The following MLLT10 variants were observed in gnomAD, a reference collection of about 807,000 sequenced individuals.
MLLT10 encodes the protein protein AF-10.
A neutral mutation model predicts 129.1 loss-of-function variants in MLLT10; 30 were observed. The observed-to-expected ratio is 0.23, with a 90% CI of 0.17 to 0.32. The LOEUF is 0.32. MLLT10 is among the 10% of genes least tolerant of loss of function. The probability of loss-of-function intolerance (pLI) is 1.00; values close to 1 mark genes in which losing one functional copy is unlikely to be tolerated. For missense variants in MLLT10, 1,119 were observed against 1,268.3 expected (o/e 0.88, Z 1.79); for synonymous variants, 490 against 446.4 (o/e 1.10, Z -1.23).
Position 21,733,881 on chromosome 10 carries a change from C to T in MLLT10, c.2610C>T (p.Val870=). Residue 870 remains valine, a synonymous_variant, in exon 20 of 23, where the codon GTC becomes GTT. Coordinates refer to ENST00000307729, the MANE Select transcript of MLLT10 (RefSeq NM_001195626.3). ...QGSGVSGVQQ[V]NGVTVGALAS... ...CAGGAGTGAGTGGAGTTCAGCAGGT[C>T]AATGGCGTGACAGTGGGGGCACTAG... 1.2e-6 allele frequency: 2 copies of T among 1,614,156 alleles called. No individual in the cohort carries two copies. Among genetic ancestry groups the T allele is most frequent in the South Asian group, 2.2e-5 (2 of 91,072 alleles).
intron 13 of MLLT10, among the ~76,000 whole-genome samples, chr10:21,712,117 G>C (rs957606853): frequency 5.3e-5 from 8 of 152,112 alleles, no homozygotes; most frequent in African/African-American, 1.9e-4. Flanking sequence ...ATAGCTGTAA[G>C]GCTTTTTAAA....
intron 5 of MLLT10, among the ~76,000 whole-genome samples, chr10:21,607,362 C>G (rs1467871890): frequency 6.8e-6 from 1 of 146,942 alleles, no homozygotes; most frequent in South Asian, 2.2e-4. Context: ...CTCTTGTTGC[C>G]CAGGCTGGAG....
intron 1 of MLLT10, 41 bp from the exon 2 acceptor site, chr10:21,534,604 C>T (rs2033469115): frequency 4.4e-6 from 7 of 1,589,158 alleles, no homozygotes; most frequent in Admixed American, 1.7e-5. Flanking sequence ...CACTAATCGG[C>T]TTGCATGTGT....
rs2051753651 is a variant in MLLT10, at chr10:21,673,711, T to C, written c.1413T>C (p.Asn471=). The part of the protein sequence containing the change: ...ETVKEKKRKG[N]KQSKHGPGRP... ...TAAAGGAAAAGAAAAGGAAAGGAAA[T>C]AAACAAAGTAAGCATGGGCCTGGCA... Residue 471 remains asparagine (N), a synonymous_variant, in exon 11 of 23, where the codon AAT becomes AAC. Coordinates refer to ENST00000307729, the MANE Select transcript of MLLT10 (RefSeq NM_001195626.3). 2 of 1,613,928 alleles carry C rather than the reference T, an allele frequency of 1.2e-6. No homozygotes were observed. Among genetic ancestry groups the C allele is most frequent in the Admixed American group, 1.7e-5 (1 of 59,976 alleles).
chr10:21,640,166 A>G lies in MLLT10; in HGVS notation c.700-11507A>G, dbSNP rs187735167. 8.9e-5 allele frequency among the ~76,000 whole-genome samples: 13 copies of G among 145,832 alleles called. No homozygotes were observed. The East Asian group carries it at 2.5e-3, about 29-fold the overall frequency. On this transcript the variant is annotated intron_variant, in intron 8 of 22. Coordinates refer to ENST00000307729, the MANE Select transcript of MLLT10 (RefSeq NM_001195626.3). ...AAAACCAATATATGTATACATATAT[A>G]TTATATATAATATCAAATATTATTA...
intron 13 of MLLT10, among the ~76,000 whole-genome samples, chr10:21,693,332 T>C (rs2131443798): frequency 6.6e-6 from 1 of 152,292 alleles, no homozygotes; most frequent in African/African-American, 2.4e-5. Flanking sequence ...ATACTCTTCC[T>C]TTGCTTTCCC....
intron 2 of MLLT10, among the ~76,000 whole-genome samples, 200 bp downstream of exon 2, chr10:21,535,004 G>A (rs1490118681): frequency 1.3e-5 from 2 of 149,574 alleles, no homozygotes; most frequent in Admixed American, 6.6e-5. Context: ...ATGTGATTCC[G>A]CTCTCACTCT....
chr10:21,717,620 TTCCTCC>T (rs776745862), intron 14 of MLLT10, among the ~76,000 whole-genome samples: 57 of 104,200 alleles, frequency 5.5e-4, no homozygotes, highest in Admixed American at 1.9e-3. Flanking sequence ...CTTCCTCCTC[TTCCTCC>T]TCCTCCTCCT....
At chr10:21,728,288 G>A (rs1273962248) in intron 16 of MLLT10, among the ~76,000 whole-genome samples, 3 of 152,158 alleles carry the variant, frequency 2.0e-5, no homozygotes, top group Non-Finnish European at 2.9e-5. Flanking sequence ...TCTGTTCTGT[G>A]TAGCACTTAA....
intron 4 of MLLT10, among the ~76,000 whole-genome samples, chr10:21,586,668 A>G (rs1395194627): frequency 6.6e-6 from 1 of 152,120 alleles, no homozygotes; most frequent in African/African-American, 2.4e-5. Flanking sequence ...GAGGTGGATC[A>G]CCTGAGGTCA....
At chr10:21,574,770 C>T (rs1301724113) in intron 3 of MLLT10, among the ~76,000 whole-genome samples, 3 of 152,148 alleles carry the variant, frequency 2.0e-5, no homozygotes, top group South Asian at 4.2e-4. Context: ...TGTCTCTTAG[C>T]ATGTTAATGT....
intron 11 of MLLT10, among the ~76,000 whole-genome samples, chr10:21,676,613 A>G (rs1321481707): frequency 2.8e-5 from 4 of 143,030 alleles, no homozygotes; most frequent in Non-Finnish European, 6.1e-5. Context: ...CCCAGCTACT[A>G]GGGAGGCTGA....
chr10:21,661,471 T>G (rs567715439), intron 9 of MLLT10, among the ~76,000 whole-genome samples: 8 of 152,246 alleles, frequency 5.3e-5, no homozygotes, highest in Non-Finnish European at 8.8e-5. Flanking sequence ...AGGATTGTTA[T>G]GTCTTTTTGA....
chr10:21,686,906 C>A (rs181689594), intron 13 of MLLT10, among the ~76,000 whole-genome samples: 1,603 of 152,140 alleles, frequency 0.011, 12 homozygotes, highest in Non-Finnish European at 0.015. Context: ...TTGCTTGAAC[C>A]CAGGAGGCGA....
intron 13 of MLLT10, among the ~76,000 whole-genome samples, chr10:21,713,202 T>C (rs1400895756): frequency 6.6e-6 from 1 of 152,214 alleles, no homozygotes; most frequent in Non-Finnish European, 1.5e-5. Context: ...GTCTGTGTTA[T>C]CGCTGGAATG....
chr10:21,738,994 GACATTTCAA>G (rs2058613473), intron 21 of MLLT10, among the ~76,000 whole-genome samples: 1 of 152,122 alleles, frequency 6.6e-6, no homozygotes, highest in Non-Finnish European at 1.5e-5. Context: ...TATCTTAAAA[GACATTTCAA>G]ACATAACGTG....
At chr10:21,603,783 G>GCTT (rs2043790347) in intron 5 of MLLT10, among the ~76,000 whole-genome samples, 1 of 151,700 alleles carries the variant, frequency 6.6e-6, no homozygotes, top group Non-Finnish European at 1.5e-5. Flanking sequence ...ATGCTTCCTA[G>GCTT]CTTCTAGTGA....
chr10:21,612,350 TTGC>T lies in MLLT10; in HGVS notation c.410_412del (p.Cys137del), dbSNP rs1311092287. On this transcript the variant is annotated inframe_deletion, in exon 6 of 23. Coordinates refer to ENST00000307729, the MANE Select transcript of MLLT10 (RefSeq NM_001195626.3). ...TCTTTTTTTTTTTTAACCCCAAGAC[TTGC>T]TACATTTGTGATGAACAAGGAAGAG... is the stretch of plus-strand genomic sequence containing the variant. 1 of 1,597,352 alleles carries T rather than the reference TTGC, an allele frequency of 6.3e-7. No homozygotes were observed. Among genetic ancestry groups the T allele is most frequent in the Non-Finnish European group, 8.5e-7 (1 of 1,170,204 alleles).
chr10:21,571,574 C>G (rs1168358348), intron 3 of MLLT10, among the ~76,000 whole-genome samples: 1 of 152,224 alleles, frequency 6.6e-6, no homozygotes, highest in Non-Finnish European at 1.5e-5. Flanking sequence ...GCTGTTGTTT[C>G]ATTCATTTTA....
Sources: allele counts gnomAD v4.1 joint callset (sites outside exome capture counted in the v4.1 genomes callset), GRCh38; gene constraint gnomAD v4.1.1; transcripts MANE v1.5; gene names NCBI Gene and HGNC (gene_info 2026-07-23, HGNC 2026-07-21).